JUP: variants seen among roughly 807,000 people sequenced by gnomAD.
JUP encodes catenin (cadherin-associated protein), gamma 80kDa.
In JUP, 28 loss-of-function variants were observed where a neutral mutation model predicts 71.1. That is an observed-to-expected ratio of 0.39 (90% confidence interval 0.29 to 0.54). The LOEUF is 0.54. Among genes scored for constraint, JUP ranks in the 20% least tolerant of loss-of-function variants. The pLI is 0.62. For missense variants in JUP, 869 were observed against 1,030.1 expected, an observed-to-expected ratio of 0.84 and a Z score of 2.14; for synonymous variants, 401 against 438.9, an observed-to-expected ratio of 0.91 and a Z score of 1.08.
intron 1 of JUP, chr17:41,772,960 G>GCA: frequency 1.0e-6 from 1 of 985,532 alleles, no homozygotes; most frequent in Non-Finnish European, 1.2e-6. Flanking sequence ...ATCCCATGAG[G>GCA]GCCTACTACG....
At chr17:41,779,052 T>A (rs1187835567) in intron 1 of JUP, among the ~76,000 whole-genome samples, 1 of 150,948 alleles carries the variant, frequency 6.6e-6, no homozygotes, top group East Asian at 2.0e-4. Flanking sequence ...CTGGCCAACA[T>A]GGTGAAACCC....
In JUP at chr17:41,762,164, A is replaced by T. The variant is rs1490416759; in HGVS notation, c.1497+819T>A. ...GAGAGAGAGAGAGAGAGAGAGAGAG[A>T]GAGAGAGAGAGAGTGTGTGTGTGTG... On this transcript the variant is annotated intron_variant, in intron 8 of 13. Transcript: ENST00000393931. Among the ~76,000 whole-genome samples, 138 of 78,086 alleles carry T rather than the reference A, an allele frequency of 1.8e-3. 1 individual carries two copies. Among genetic ancestry groups the T allele is most frequent in the Admixed American group, 3.2e-3 (27 of 8,342 alleles). The allele number at this position is 78,086 out of a possible 152,430, so 51.2% of individuals were successfully genotyped here.
chr17:41,760,401 G>A (rs1459849875), intron 8 of JUP, among the ~76,000 whole-genome samples: 10 of 149,904 alleles, frequency 6.7e-5, no homozygotes, highest in East Asian at 4.1e-4. Flanking sequence ...GACCACAGGC[G>A]CCCGCCACCA....
rs1555605709 is a variant in JUP, at chr17:41,769,477, C to T, written c.409G>A (p.Ala137Thr). The T allele has an allele frequency of 6.2e-7, 1 of 1,613,058 alleles. No homozygotes were observed. The highest frequency in any genetic ancestry group is 8.5e-7 in the Non-Finnish European group (1 of 1,179,702). The stretch of plus-strand genomic sequence containing the variant: ...GGCAGGGCGCGAGTGGCCAGCTCGG[C>T]ATCGTCCTGGTAGTTGATGAGATGC... ...IVHLINYQDD[A>T]ELATRALPEL... The change falls in exon 3 of 14, where the codon GCC becomes ACC. Residue 137 changes from alanine to threonine, a missense_variant. By Grantham distance (58) the Ala-to-Thr change is moderately conservative (BLOSUM62 0). Coordinates refer to ENST00000393931, the MANE Select transcript of JUP (RefSeq NM_002230.4).
chr17:41,760,035 G>A (rs886863492), intron 8 of JUP, among the ~76,000 whole-genome samples: 57 of 151,910 alleles, frequency 3.8e-4, no homozygotes, highest in Non-Finnish European at 6.0e-4. Context: ...CCAACATGGT[G>A]AAACCACGTC....
At chr17:41,774,377 A>C (rs544810203) in intron 1 of JUP, among the ~76,000 whole-genome samples, 1 of 152,066 alleles carries the variant, frequency 6.6e-6, no homozygotes, top group East Asian at 1.9e-4. Context: ...TCTGTCGCCC[A>C]AGTTGGAGTG....
chr17:41,769,077 T>G lies in JUP; in HGVS notation c.599A>C (p.Asp200Ala). Residue 200 changes from aspartate (D) to alanine (A), a missense_variant, in exon 4 of 14, where the codon GAC becomes GCC. Physicochemically the swap from Asp to Ala is moderately radical, Grantham distance 126 (BLOSUM62 -2). Transcript: ENST00000393931. ...GATGCTGGTGGTGCAGCGGGCTGTGTCCAGGTCGCTGGTATTCTGCATGGT... is the reference window on the plus strand; with the variant it reads ...GATGCTGGTGGTGCAGCGGGCTGTGGCCAGGTCGCTGGTATTCTGCATGGT... ...VRTMQNTSDL[D>A]TARCTTSILH... 1 of 1,613,276 alleles carries G rather than the reference T, an allele frequency of 6.2e-7. No homozygotes were observed. Among genetic ancestry groups the G allele is most frequent in the Non-Finnish European group, 8.5e-7 (1 of 1,179,922 alleles).
chr17:41,755,484 C>A lies in JUP; in HGVS notation c.*260G>T. The A allele has an allele frequency of 2.3e-6, 1 of 427,306 alleles. No individual in the cohort carries two copies. The highest frequency in any genetic ancestry group is 4.1e-6 in the Non-Finnish European group (1 of 242,912). The allele number at this position is 427,306 out of a possible 1,614,324, so 26.5% of individuals were successfully genotyped here. ...GGTCAGGGGCTCGGTGGACCTGCAT[C>A]CCCAGAAGCTCAAGCCACTCCGTGT... On this transcript the variant is annotated 3_prime_UTR_variant, in exon 14 of 14. Transcript: ENST00000393931.
intron 4 of JUP, among the ~76,000 whole-genome samples, chr17:41,768,102 A>G (rs111605772): frequency 6.6e-6 from 1 of 152,112 alleles, no homozygotes; most frequent in Non-Finnish European, 1.5e-5. Context: ...CGTCTCTACT[A>G]AAAATACAAA....
At chr17:41,778,345 C>T (rs1555609336) in intron 1 of JUP, among the ~76,000 whole-genome samples, 2 of 151,694 alleles carry the variant, frequency 1.3e-5, no homozygotes, top group Non-Finnish European at 1.5e-5. Flanking sequence ...CAGGTGAATC[C>T]CCTTGAGCTC....
At chr17:41,772,191 A>G in intron 1 of JUP, 1 of 431,942 alleles carries the variant, frequency 2.3e-6, no homozygotes, top group Admixed American at 3.5e-5. Context: ...CTGCTCACGC[A>G]CCTTGCTGCC....
Position 41,769,671 on chromosome 17 carries a change from A to G in JUP, c.215T>C (p.Leu72Pro). ...TQGVPPSQGD[L>P]EYQMSTTARA... is the part of the protein sequence containing the mutation. ...GGCTGTTGTGGACATCTGGTACTCCAGATCACCTGGGGGCCATGGGGACAG... is the reference window on the plus strand; with the variant it reads ...GGCTGTTGTGGACATCTGGTACTCCGGATCACCTGGGGGCCATGGGGACAG... Residue 72 changes from leucine to proline, a missense_variant, in exon 3 of 14, where the codon CTG becomes CCG. Coordinates refer to ENST00000393931, the MANE Select transcript of JUP (RefSeq NM_002230.4). 1 of 1,608,882 alleles carries G rather than the reference A, an allele frequency of 6.2e-7. No homozygotes were observed.
intron 7 of JUP, 34 bp downstream of exon 7, chr17:41,764,677 GAA>G: frequency 6.4e-7 from 1 of 1,566,844 alleles, no homozygotes; most frequent in Non-Finnish European, 8.8e-7. Flanking sequence ...TGGGGCAGCT[GAA>G]GAGGTCAACC....
At chr17:41,769,278 G>A (rs908972174) in intron 3 of JUP, 71 bp from the exon 4 acceptor site, 7 of 1,563,032 alleles carry the variant, frequency 4.5e-6, no homozygotes, top group African/African-American at 2.7e-5. Flanking sequence ...ACAGAGCTGA[G>A]GAGGGCCCCA....
Position 41,781,085 on chromosome 17 carries a change from G to A in JUP, c.-9+5503C>T, listed in dbSNP as rs561758794. 6.7e-4 allele frequency among the ~76,000 whole-genome samples: 102 copies of A among 151,538 alleles called. 1 individual carries two copies. Among genetic ancestry groups the A allele is most frequent in the Admixed American group, 1.8e-3 (28 of 15,206 alleles). On this transcript the variant is annotated intron_variant, in intron 1 of 13. Transcript: ENST00000393931. ...AGTCCCAGCTACTCGGGAGGCTAAG[G>A]CAGGAGAATGGTGTGAACCCAGGGG...
In JUP at chr17:41,758,474, T is replaced by C. The variant is rs1914248202; in HGVS notation, c.1698A>G (p.Ala566=). Residue 566 remains alanine, a synonymous_variant, in exon 10 of 14, where the codon GCA becomes GCG. Coordinates refer to ENST00000393931, the MANE Select transcript of JUP (RefSeq NM_002230.4). ...MEEIVEGCTG[A]LHILARDPMN... ...TGGGGTCCCGGGCGAGGATGTGCAG[T>C]GCTCCGGTGCAGCCCTCCACAATCT... is the stretch of plus-strand genomic sequence containing the variant. 2 of 1,613,990 alleles carry C rather than the reference T, an allele frequency of 1.2e-6. No individual in the cohort carries two copies. Among genetic ancestry groups the C allele is most frequent in the East Asian group, 4.5e-5 (2 of 44,870 alleles).
At chr17:41,784,296 C>A (rs1211287393) in intron 1 of JUP, among the ~76,000 whole-genome samples, 2 of 151,978 alleles carry the variant, frequency 1.3e-5, no homozygotes, top group Non-Finnish European at 2.9e-5. Flanking sequence ...TGGGGTGGAG[C>A]CAGGGTGCAA....
intron 12 of JUP, among the ~76,000 whole-genome samples, chr17:41,756,425 T>A (rs1465870128): frequency 2.0e-5 from 3 of 151,112 alleles, no homozygotes; most frequent in Non-Finnish European, 4.4e-5. Context: ...GGTGAAACCC[T>A]GTCTCTACTA....
chr17:41,770,233 A>G (rs1329071889), intron 2 of JUP, among the ~76,000 whole-genome samples: 1 of 152,074 alleles, frequency 6.6e-6, no homozygotes, highest in African/African-American at 2.4e-5. Context: ...CACCAACATC[A>G]CATCTCACAG....
Sources: allele counts gnomAD v4.1 joint callset (sites outside exome capture counted in the v4.1 genomes callset), GRCh38; gene constraint gnomAD v4.1.1; transcripts MANE v1.5; gene names NCBI Gene and HGNC (gene_info 2026-07-23, HGNC 2026-07-21).